PLPPR1: variants seen among roughly 807,000 people sequenced by gnomAD.
PLPPR1 encodes the protein phospholipid phosphatase related 1.
Under a neutral mutation model 33.1 loss-of-function variants are expected in PLPPR1, and 10 were observed. That is an observed-to-expected ratio of 0.30 (90% CI 0.19 to 0.51). PLPPR1 has a LOEUF of 0.51. PLPPR1 is among the 20% of genes least tolerant of loss of function. The pLI, the probability that PLPPR1 is intolerant of heterozygous loss-of-function variation, is 0.97. For synonymous variants in PLPPR1, 151 were observed against 151.0 expected (o/e 1.00, Z 0.00); for missense variants, 304 against 408.1 (o/e 0.74, Z 2.20).
At chr9:101,086,890 T>C (rs1331321097) in intron 1 of PLPPR1, among the ~76,000 whole-genome samples, 4 of 152,098 alleles carry the variant, frequency 2.6e-5, no homozygotes, top group Non-Finnish European at 4.4e-5. Context: ...TAAAAAAATA[T>C]TTGAAAGTCT....
chr9:101,275,135 G>T (rs547111843), intron 3 of PLPPR1, among the ~76,000 whole-genome samples: 1 of 152,158 alleles, frequency 6.6e-6, no homozygotes, highest in Non-Finnish European at 1.5e-5. Flanking sequence ...GAAGCGTGAC[G>T]CCTCTTGGGT....
At chr9:101,058,431 T>C (rs879936793) in intron 1 of PLPPR1, among the ~76,000 whole-genome samples, 3 of 152,104 alleles carry the variant, frequency 2.0e-5, no homozygotes, top group Admixed American at 6.6e-5. Context: ...TGAAATTTGA[T>C]TTATTACAGC....
chr9:101,157,657 G>C (rs1831713380), intron 1 of PLPPR1, among the ~76,000 whole-genome samples: 1 of 152,094 alleles, frequency 6.6e-6, no homozygotes, highest in Non-Finnish European at 1.5e-5. Flanking sequence ...GAAATAATCA[G>C]AAATGTAAGA....
chr9:101,031,199 C>G (rs1460730134), intron 1 of PLPPR1, among the ~76,000 whole-genome samples: 3 of 152,112 alleles, frequency 2.0e-5, no homozygotes, highest in African/African-American at 7.2e-5. Flanking sequence ...AAAACCTTGG[C>G]AAGAAAAGAT....
intron 1 of PLPPR1, among the ~76,000 whole-genome samples, chr9:101,054,756 T>C (rs1236520798): frequency 6.6e-6 from 1 of 152,180 alleles, no homozygotes; most frequent in African/African-American, 2.4e-5. Context: ...TAAACGAGCC[T>C]TCTTTGTTTC....
chr9:101,288,558 TA>T (rs1177175392), intron 4 of PLPPR1, among the ~76,000 whole-genome samples: 1 of 147,468 alleles, frequency 6.8e-6, no homozygotes, highest in Non-Finnish European at 1.5e-5. Context: ...CTGGGTTTAG[TA>T]AAAAAATAAA....
intron 1 of PLPPR1, among the ~76,000 whole-genome samples, chr9:101,133,292 A>G (rs552909049): frequency 1.3e-5 from 2 of 152,178 alleles, no homozygotes; most frequent in African/African-American, 4.8e-5. Flanking sequence ...AAGAATATAG[A>G]TCTAATTATT....
chr9:101,122,362 C>A (rs1030343661), intron 1 of PLPPR1, among the ~76,000 whole-genome samples: 1 of 152,140 alleles, frequency 6.6e-6, no homozygotes, highest in Non-Finnish European at 1.5e-5. Context: ...ATATTACCAG[C>A]AAACAGTTAA....
chr9:101,113,591 C>G (rs983829883), intron 1 of PLPPR1, among the ~76,000 whole-genome samples: 1 of 151,382 alleles, frequency 6.6e-6, no homozygotes, highest in Non-Finnish European at 1.5e-5. Context: ...ATTGAATATG[C>G]TTGGGGGAAA....
chr9:101,035,014 A>G (rs1829992724), intron 1 of PLPPR1, among the ~76,000 whole-genome samples: 1 of 152,122 alleles, frequency 6.6e-6, no homozygotes, highest in South Asian at 2.1e-4. Context: ...GGGAAGATGA[A>G]AGTTTGCTTG....
chr9:101,319,070 G>T (rs1267515775), intron 7 of PLPPR1, among the ~76,000 whole-genome samples: 6 of 143,396 alleles, frequency 4.2e-5, no homozygotes, highest in African/African-American at 1.6e-4. Flanking sequence ...ACTTCCCTTT[G>T]TTCCCTTTGG....
intron 2 of PLPPR1, among the ~76,000 whole-genome samples, chr9:101,237,110 CACA>C (rs1473020843): frequency 6.6e-6 from 1 of 151,552 alleles, no homozygotes; most frequent in African/African-American, 2.4e-5. Flanking sequence ...AAATTAAAAC[CACA>C]ACAAGATACC....
At chr9:101,140,162 G>A (rs1831430832) in intron 1 of PLPPR1, among the ~76,000 whole-genome samples, 1 of 152,126 alleles carries the variant, frequency 6.6e-6, no homozygotes, top group Admixed American at 6.6e-5. Context: ...TCCCCACTTT[G>A]TGTCACCAAA....
intron 2 of PLPPR1, among the ~76,000 whole-genome samples, chr9:101,252,866 G>A (rs181323605): frequency 4.0e-4 from 61 of 151,588 alleles, no homozygotes; most frequent in African/African-American, 9.7e-4. Context: ...CTCGATGTTC[G>A]TTTTATGTTT....
intron 2 of PLPPR1, among the ~76,000 whole-genome samples, chr9:101,238,465 A>T (rs1334360801): frequency 6.6e-6 from 1 of 150,708 alleles, no homozygotes; most frequent in Non-Finnish European, 1.5e-5. Context: ...AAAGAATGAA[A>T]GAAAGTCTTT....
At chr9:101,106,496 T>C (rs1323829957) in intron 1 of PLPPR1, among the ~76,000 whole-genome samples, 2 of 119,868 alleles carry the variant, frequency 1.7e-5, no homozygotes, top group Admixed American at 8.3e-5. Flanking sequence ...TTCTGGCTTG[T>C]ATGGTTTCTG....
At chr9:101,081,365 T>C (rs1473338013) in intron 1 of PLPPR1, among the ~76,000 whole-genome samples, 1 of 152,070 alleles carries the variant, frequency 6.6e-6, no homozygotes, top group Non-Finnish European at 1.5e-5. Flanking sequence ...CAGCTAATTT[T>C]TGTATTTTTA....
At chr9:101,162,123 A>AG (rs1258515243) in intron 1 of PLPPR1, among the ~76,000 whole-genome samples, 23 of 151,972 alleles carry the variant, frequency 1.5e-4, no homozygotes, top group African/African-American at 5.3e-4. Flanking sequence ...AAAAAAAGAT[A>AG]ATATTATTTT....
intron 1 of PLPPR1, among the ~76,000 whole-genome samples, chr9:101,064,119 AG>A (rs1830379807): frequency 6.6e-6 from 1 of 152,166 alleles, no homozygotes; most frequent in African/African-American, 2.4e-5. Context: ...AAACACAGTC[AG>A]TGCATCATTA....
Sources: allele counts gnomAD v4.1 joint callset (sites outside exome capture counted in the v4.1 genomes callset), GRCh38; gene constraint gnomAD v4.1.1; transcripts MANE v1.5; gene names NCBI Gene and HGNC (gene_info 2026-07-23, HGNC 2026-07-21).